Variants in PTPRM observed in about 807,000 individuals in gnomAD.
PTPRM encodes receptor-type tyrosine-protein phosphatase mu.
In PTPRM, 47 loss-of-function variants were observed where a neutral mutation model predicts 186.7. That is an observed-to-expected ratio of 0.25 (90% CI 0.20 to 0.32). The LOEUF is 0.32. Among genes scored for constraint, PTPRM ranks in the 10% least tolerant of loss-of-function variants. PTPRM has a pLI of 1.00. For synonymous variants in PTPRM, 668 were observed against 674.9 expected, an observed-to-expected ratio of 0.99 and a Z score of 0.16; for missense variants, 1,494 against 1,865.0, an observed-to-expected ratio of 0.80 and a Z score of 3.66.
At chr18:8,273,755 A>G (rs1022690176) in intron 19 of PTPRM, among the ~76,000 whole-genome samples, 1 of 152,200 alleles carries the variant, frequency 6.6e-6, no homozygotes, top group African/African-American at 2.4e-5. Context: ...GACTGACAGT[A>G]TTTAGAAACA....
At chr18:8,147,980 C>T (rs1218197906) in intron 14 of PTPRM, among the ~76,000 whole-genome samples, 1 of 152,184 alleles carries the variant, frequency 6.6e-6, no homozygotes, top group Non-Finnish European at 1.5e-5. Context: ...AGCCTTGCAT[C>T]CCAGGGATGA....
chr18:7,961,748 G>A (rs1464718325), intron 7 of PTPRM, among the ~76,000 whole-genome samples: 2 of 152,188 alleles, frequency 1.3e-5, no homozygotes, highest in African/African-American at 2.4e-5. Context: ...TAAATGTGAT[G>A]TGTAAGAAGT....
chr18:8,332,484 G>A (rs1456412938), intron 22 of PTPRM, among the ~76,000 whole-genome samples: 1 of 152,174 alleles, frequency 6.6e-6, no homozygotes, highest in Admixed American at 6.5e-5. Flanking sequence ...GCCACAAATA[G>A]TCACATGGTT....
chr18:8,095,004 A>G (rs1165061558), intron 11 of PTPRM, among the ~76,000 whole-genome samples: 1 of 152,166 alleles, frequency 6.6e-6, no homozygotes, highest in Non-Finnish European at 1.5e-5. Flanking sequence ...CAGCAAGGAT[A>G]ATACCCCTTA....
At chr18:7,935,140 T>A (rs537775731) in intron 5 of PTPRM, among the ~76,000 whole-genome samples, 491 of 152,286 alleles carry the variant, frequency 3.2e-3, no homozygotes, top group African/African-American at 0.011. Context: ...TTCACAAGCT[T>A]AACTTGGGTA....
intron 2 of PTPRM, among the ~76,000 whole-genome samples, chr18:7,885,208 A>C (rs1401195931): frequency 6.6e-6 from 1 of 152,154 alleles, no homozygotes; most frequent in East Asian, 1.9e-4. Flanking sequence ...AATAGAGACT[A>C]CTTGCTGTGA....
intron 5 of PTPRM, among the ~76,000 whole-genome samples, chr18:7,944,140 T>A (rs2052367096): frequency 6.6e-6 from 1 of 152,190 alleles, no homozygotes; most frequent in Admixed American, 6.5e-5. Context: ...TGGAAGATTT[T>A]TTTCCACTGA....
intron 1 of PTPRM, among the ~76,000 whole-genome samples, chr18:7,739,066 C>T (rs887266517): frequency 3.3e-5 from 5 of 152,088 alleles, no homozygotes; most frequent in Non-Finnish European, 5.9e-5. Flanking sequence ...CCACTTTTCT[C>T]GTCGCACATC....
intron 1 of PTPRM, among the ~76,000 whole-genome samples, chr18:7,635,387 A>G (rs1349158637): frequency 6.6e-6 from 1 of 152,124 alleles, no homozygotes; most frequent in African/African-American, 2.4e-5. Context: ...ATGCACTGAT[A>G]TTTTCTATAA....
rs148729655 is a variant in PTPRM at position 7,868,548 on chromosome 18, C to T, written c.197-19558C>T. 7.6e-3 allele frequency among the ~76,000 whole-genome samples: 1,164 copies of T among 152,318 alleles called. 16 individuals carry two copies. The highest frequency in any genetic ancestry group is 0.027 in the African/African-American group (1,102 of 41,582). ...GGAGGCTGCAGAACAGCAAAGATTGCTGCCTCTTCCTTCCTCTGGAAGCTT... is the reference window on the plus strand; with the variant it reads ...GGAGGCTGCAGAACAGCAAAGATTGTTGCCTCTTCCTTCCTCTGGAAGCTT... On this transcript the variant is annotated intron_variant, in intron 2 of 32. Transcript: ENST00000580170.
chr18:7,994,728 T>C (rs2083445219), intron 7 of PTPRM, among the ~76,000 whole-genome samples: 1 of 151,916 alleles, frequency 6.6e-6, no homozygotes. Flanking sequence ...TGAATGATAA[T>C]TGAGTTAATG....
At chr18:8,044,681 C>G (rs2086908400) in intron 7 of PTPRM, among the ~76,000 whole-genome samples, 1 of 147,408 alleles carries the variant, frequency 6.8e-6, no homozygotes, top group Non-Finnish European at 1.5e-5. Context: ...CGCTTGAACC[C>G]AGGAGGCAGA....
At chr18:8,037,787 A>G (rs1319235178) in intron 7 of PTPRM, among the ~76,000 whole-genome samples, 3 of 152,070 alleles carry the variant, frequency 2.0e-5, no homozygotes, top group East Asian at 1.9e-4. Flanking sequence ...GCAGAAGACA[A>G]GGTCTGAGAT....
At chr18:8,344,685 G>A (rs910277572) in intron 23 of PTPRM, among the ~76,000 whole-genome samples, 15 of 151,878 alleles carry the variant, frequency 9.9e-5, no homozygotes, top group African/African-American at 3.1e-4. Context: ...GGAGTGTAGC[G>A]CTTGCATGCA....
chr18:8,329,883 C>A (rs571085270), intron 22 of PTPRM, among the ~76,000 whole-genome samples: 138 of 152,280 alleles, frequency 9.1e-4, no homozygotes, highest in African/African-American at 3.2e-3. Context: ...GCTGTAGCCT[C>A]CAGCTCCTCG....
chr18:8,362,364 T>C (rs1415165460), intron 23 of PTPRM, among the ~76,000 whole-genome samples: 3 of 152,208 alleles, frequency 2.0e-5, no homozygotes, highest in Admixed American at 1.3e-4. Flanking sequence ...ACACTGCTCC[T>C]ACAGAAAACC....
intron 1 of PTPRM, among the ~76,000 whole-genome samples, chr18:7,626,102 A>T (rs1418961672): frequency 6.6e-6 from 1 of 152,216 alleles, no homozygotes. Flanking sequence ...TAATTTTAGC[A>T]CCTTTTCCTC....
intron 7 of PTPRM, among the ~76,000 whole-genome samples, chr18:7,960,480 T>TATATATATATATATAC (rs1300573371): frequency 1.2e-5 from 1 of 86,602 alleles, no homozygotes; most frequent in African/African-American, 4.4e-5. Context: ...TATATATATA[T>TATATATATATATATAC]ACACACACAC....
At chr18:7,616,676 C>G (rs983804113) in intron 1 of PTPRM, among the ~76,000 whole-genome samples, 6 of 152,208 alleles carry the variant, frequency 3.9e-5, no homozygotes, top group Non-Finnish European at 5.9e-5. Context: ...TCTCCCATCC[C>G]TGGCTTGGTT....
Sources: gnomAD v4.1 joint callset for allele counts (sites outside exome capture counted in the v4.1 genomes callset) on GRCh38, gnomAD v4.1.1 for gene constraint, MANE v1.5 for transcripts, NCBI Gene and HGNC (gene_info 2026-07-23, HGNC 2026-07-21) for gene names.